Variants in HNF4G observed in about 807,000 individuals in gnomAD.
The protein encoded by HNF4G is hepatocyte nuclear factor 4 gamma.
Under a neutral mutation model 50.9 loss-of-function variants are expected in HNF4G, and 21 were observed. The observed-to-expected ratio is 0.41, with a 90% confidence interval of 0.29 to 0.59. The LOEUF (loss-of-function observed/expected upper bound fraction) is 0.59, where lower values mean the gene tolerates loss of function less well. HNF4G is among the 20% of genes least tolerant of loss of function. The pLI, the probability that HNF4G is intolerant of heterozygous loss-of-function variation, is 0.26. For missense variants in HNF4G, 527 were observed against 559.4 expected (o/e 0.94, Z 0.58); for synonymous variants, 198 against 185.6 (o/e 1.07, Z -0.54).
At chr8:75,560,591 C>T in intron 9 of HNF4G, 125 bp downstream of exon 9, 1 of 757,308 alleles carries the variant, frequency 1.3e-6, no homozygotes, top group Non-Finnish European at 2.1e-6. Flanking sequence ...CCATCTGAGA[C>T]TCAGCAGTAG....
rs1411108980 is a variant in HNF4G, at chr8:75,409,544, A to AGTGGC, written c.-144+1383_-144+1387dup. The stretch of plus-strand genomic sequence containing the variant: ...TGCTCTGTCACCCAGGCTAGAGTAT[A>AGTGGC]GTGGCACAATCTCGGCTCACTGCAA... On this transcript the variant is annotated intron_variant, in intron 1 of 10. Coordinates refer to the HNF4G transcript ENST00000354370. Among the ~76,000 whole-genome samples, 14 of 124,286 alleles carry AGTGGC rather than the reference A, an allele frequency of 1.1e-4. No homozygotes were observed. In the East Asian group the frequency reaches 3.3e-3, roughly 29 times the overall value. 81.5% of individuals were successfully genotyped at this position (124,286 alleles called of 152,430 possible). A position where few individuals can be genotyped will look rare whatever the true frequency, so the allele number is the denominator to read the frequency against.
chr8:75,533,162 CA>C (rs1260284698), intron 2 of HNF4G, among the ~76,000 whole-genome samples: 72 of 151,980 alleles, frequency 4.7e-4, no homozygotes, highest in African/African-American at 1.6e-3. Flanking sequence ...TTCACACTTT[CA>C]GTAAGTATTT....
chr8:75,476,327 C>T (rs746993379), intron 1 of HNF4G, among the ~76,000 whole-genome samples: 9 of 151,934 alleles, frequency 5.9e-5, no homozygotes, highest in Non-Finnish European at 8.8e-5. Flanking sequence ...TTTTCTTTAC[C>T]CAATCATTCA....
chr8:75,449,082 A>G (rs777470231), intron 1 of HNF4G, among the ~76,000 whole-genome samples: 6 of 152,166 alleles, frequency 3.9e-5, no homozygotes, highest in African/African-American at 7.2e-5. Flanking sequence ...TTTAAATAAA[A>G]TAGAAGTTTC....
intron 6 of HNF4G, among the ~76,000 whole-genome samples, chr8:75,557,426 C>T (rs1339126444): frequency 1.3e-5 from 2 of 152,094 alleles, no homozygotes; most frequent in Admixed American, 6.6e-5. Flanking sequence ...TCGAGACCAG[C>T]CTGGCCAACA....
intron 2 of HNF4G, chr8:75,495,492 A>T (rs1216675148): frequency 6.6e-6 from 1 of 151,474 alleles, no homozygotes; most frequent in Non-Finnish European, 1.5e-5. Context: ...TGGAACTTGT[A>T]TGAGGCAAGT....
intron 1 of HNF4G, among the ~76,000 whole-genome samples, chr8:75,467,602 G>A (rs747851623): frequency 3.6e-4 from 54 of 151,838 alleles, no homozygotes; most frequent in Non-Finnish European, 4.4e-5. Context: ...GGAGGTTGCA[G>A]TGAGTGGAGA....
intron 2 of HNF4G, among the ~76,000 whole-genome samples, chr8:75,521,541 C>A (rs1226588834): frequency 1.3e-5 from 2 of 152,038 alleles, no homozygotes; most frequent in Non-Finnish European, 2.9e-5. Flanking sequence ...TCTTACTACT[C>A]TTTTTAGGAT....
intron 2 of HNF4G, among the ~76,000 whole-genome samples, chr8:75,506,366 C>A (rs1813080169): frequency 1.3e-5 from 2 of 151,968 alleles, no homozygotes; most frequent in African/African-American, 4.8e-5. Context: ...ATTTAATAAG[C>A]AGGAAACTTA....
In HNF4G at chr8:75,418,390, G is replaced by T. The variant is rs145187924; in HGVS notation, c.-144+10228G>T. Among the ~76,000 whole-genome samples, 37 of 152,222 alleles carry T rather than the reference G, an allele frequency of 2.4e-4. 1 individual carries two copies. The East Asian group carries it at 7.0e-3, about 29-fold the overall frequency. On this transcript the variant is annotated intron_variant, in intron 1 of 10. Transcript: ENST00000354370. ...AATAATAACAGGGCAACCATAAAAT[G>T]GTTTTGTCTCATTAGAAGCTTGGAT...
chr8:75,479,782 C>G (rs1272611109), intron 1 of HNF4G, among the ~76,000 whole-genome samples: 1 of 151,898 alleles, frequency 6.6e-6, no homozygotes, highest in Non-Finnish European at 1.5e-5. Flanking sequence ...AAGAACATTT[C>G]TTTATCTTCT....
intron 1 of HNF4G, among the ~76,000 whole-genome samples, chr8:75,448,954 C>T (rs1206719888): frequency 1.3e-5 from 2 of 152,054 alleles, no homozygotes; most frequent in African/African-American, 4.8e-5. Flanking sequence ...TTTCTCAAAC[C>T]TCATTAAAAA....
At chr8:75,523,836 T>G (rs1452955789) in intron 2 of HNF4G, among the ~76,000 whole-genome samples, 1 of 151,998 alleles carries the variant, frequency 6.6e-6, no homozygotes, top group Non-Finnish European at 1.5e-5. Context: ...TTTTATATAC[T>G]TCTATATTTT....
At position 75,447,739 on chromosome 8, in the gene HNF4G, T is replaced by C. The variant is rs1204852395; in HGVS notation, c.-144+39577T>C. Among the ~76,000 whole-genome samples, 1,117 of 147,988 alleles carry C rather than the reference T, an allele frequency of 7.5e-3. 20 individuals are homozygous for C. The highest frequency in any genetic ancestry group is 0.025 in the African/African-American group (1,025 of 40,310). ...AAATCAAAACCACTATGAGATATCATCTCACACCAGTTAGAATGGCAATCA... is the reference window on the plus strand; with the variant it reads ...AAATCAAAACCACTATGAGATATCACCTCACACCAGTTAGAATGGCAATCA... On this transcript the variant is annotated intron_variant, in intron 1 of 10. Transcript: ENST00000354370.
At chr8:75,441,598 T>G (rs2130548034) in intron 1 of HNF4G, among the ~76,000 whole-genome samples, 1 of 152,298 alleles carries the variant, frequency 6.6e-6, no homozygotes, top group Non-Finnish European at 1.5e-5. Flanking sequence ...TAGGCATAAT[T>G]TACAGCAGAT....
chr8:75,435,120 A>G (rs993270108), intron 1 of HNF4G, among the ~76,000 whole-genome samples: 8 of 152,232 alleles, frequency 5.3e-5, no homozygotes, highest in Non-Finnish European at 1.2e-4. Flanking sequence ...GAGGAAAAAT[A>G]GTAGGTCCAT....
At chr8:75,531,874 A>G (rs1473118402) in intron 2 of HNF4G, among the ~76,000 whole-genome samples, 1 of 152,094 alleles carries the variant, frequency 6.6e-6, no homozygotes, top group Non-Finnish European at 1.5e-5. Context: ...TATGGATACT[A>G]AAAGACAACT....
intron 2 of HNF4G, among the ~76,000 whole-genome samples, chr8:75,529,342 G>T (rs1806268679): frequency 6.6e-6 from 1 of 151,670 alleles, no homozygotes; most frequent in Admixed American, 6.6e-5. Context: ...CATCAGAACA[G>T]CATGGGAGAA....
intron 2 of HNF4G, among the ~76,000 whole-genome samples, chr8:75,508,553 C>T (rs1179889067): frequency 1.3e-5 from 2 of 152,100 alleles, no homozygotes; most frequent in Non-Finnish European, 1.5e-5. Context: ...ATTGAAACCT[C>T]GTTTTTTCAG....
Sources: gnomAD v4.1 joint callset for allele counts (sites outside exome capture counted in the v4.1 genomes callset) on GRCh38, gnomAD v4.1.1 for gene constraint, MANE v1.5 for transcripts, NCBI Gene and HGNC (gene_info 2026-07-23, HGNC 2026-07-21) for gene names.